The following GALNTL6 variants were observed in gnomAD, a reference collection of about 807,000 sequenced individuals.
The protein encoded by GALNTL6 is polypeptide N-acetylgalactosaminyltransferase like 6.
Under a neutral mutation model 73.7 loss-of-function variants are expected in GALNTL6, and 46 were observed. That is an observed-to-expected ratio of 0.62 (90% CI 0.49 to 0.80). GALNTL6 has a LOEUF of 0.80. Ranked by LOEUF, GALNTL6 falls within the 30% of genes least tolerant of loss-of-function variation. GALNTL6 has a pLI of 0.00. For synonymous variants in GALNTL6, 259 were observed against 263.7 expected, an observed-to-expected ratio of 0.98 and a Z score of 0.17; for missense variants, 604 against 755.0, an observed-to-expected ratio of 0.80 and a Z score of 2.34.
At chr4:172,989,985 T>C (rs1751468737) in intron 10 of GALNTL6, among the ~76,000 whole-genome samples, 1 of 152,282 alleles carries the variant, frequency 6.6e-6, no homozygotes, top group South Asian at 2.1e-4. Flanking sequence ...ATTGGATGAA[T>C]ATCTCTCCTC....
intron 2 of GALNTL6, among the ~76,000 whole-genome samples, chr4:172,127,275 T>A (rs927887067): frequency 2.0e-5 from 3 of 152,176 alleles, no homozygotes; most frequent in Admixed American, 6.5e-5. Flanking sequence ...ACGCGGCCAC[T>A]CCATCTGAGA....
At chr4:172,705,213 A>AT (rs58644433) in intron 5 of GALNTL6, among the ~76,000 whole-genome samples, 53,917 of 146,210 alleles carry the variant, frequency 0.37, 10,430 homozygotes, top group Middle Eastern at 0.5. Context: ...TACTACTGCT[A>AT]TTTTTTTTTT....
chr4:172,739,087 C>G (rs1736643429), intron 5 of GALNTL6, among the ~76,000 whole-genome samples: 1 of 152,074 alleles, frequency 6.6e-6, no homozygotes, highest in Admixed American at 6.6e-5. Flanking sequence ...ATATCCCACC[C>G]CCACTTCCAT....
rs142195294 is a variant in GALNTL6, at chr4:172,036,091, C to A, written c.139-193565C>A. 2.6e-5 allele frequency among the ~76,000 whole-genome samples: 4 copies of A among 152,124 alleles called. No individual in the cohort carries two copies. In the East Asian group the frequency reaches 7.7e-4, roughly 29 times the overall value. On this transcript the variant is annotated intron_variant, in intron 2 of 12. Transcript: ENST00000506823. ...ACAAATGTCTTTTGAAAGGACATAG[C>A]CCAGTAAGTATCCCAAAAGTTCTCT... is the stretch of plus-strand genomic sequence containing the variant.
chr4:172,280,347 C>A, intron 3 of GALNTL6, among the ~76,000 whole-genome samples: 1 of 152,134 alleles, frequency 6.6e-6, no homozygotes, highest in East Asian at 1.9e-4. Context: ...AGGGAACATT[C>A]ACAAGGTGGG....
At position 172,587,893 on chromosome 4, in the gene GALNTL6, A is replaced by G. The variant is rs543375365; in HGVS notation, c.554-221468A>G. Among the ~76,000 whole-genome samples the G allele has an allele frequency of 3.3e-5, 5 of 152,288 alleles. No individual in the cohort carries two copies. The East Asian group carries it at 9.7e-4, about 29-fold the overall frequency. ...AAACACCCCAAGCCCAAGGCTGGCC[A>G]TGGCATTTATCTTTGAAAATTATAA... On this transcript the variant is annotated intron_variant, in intron 5 of 12. Coordinates refer to ENST00000506823, the MANE Select transcript of GALNTL6 (RefSeq NM_001034845.3).
intron 5 of GALNTL6, among the ~76,000 whole-genome samples, chr4:172,654,060 A>C (rs1181697384): frequency 6.6e-6 from 1 of 152,194 alleles, no homozygotes; most frequent in East Asian, 1.9e-4. Context: ...ACAGAGACAG[A>C]GAGAGAGAAA....
At chr4:172,959,182 A>C (rs1490057218) in intron 10 of GALNTL6, among the ~76,000 whole-genome samples, 1 of 152,034 alleles carries the variant, frequency 6.6e-6, no homozygotes, top group Admixed American at 6.5e-5. Context: ...TCGGTCACTG[A>C]GGAGGGAGTA....
At chr4:172,686,389 A>T (rs1032067496) in intron 5 of GALNTL6, among the ~76,000 whole-genome samples, 1 of 152,190 alleles carries the variant, frequency 6.6e-6, no homozygotes, top group Non-Finnish European at 1.5e-5. Context: ...ACAGTAAAAC[A>T]TGAGAAGCCT....
intron 5 of GALNTL6, among the ~76,000 whole-genome samples, chr4:172,569,888 TC>T (rs1736696948): frequency 6.6e-6 from 1 of 152,088 alleles, no homozygotes; most frequent in Admixed American, 6.6e-5. Context: ...GAAGAATCCA[TC>T]CACAGATTTA....
chr4:172,918,627 T>C (rs1352873676), intron 8 of GALNTL6, among the ~76,000 whole-genome samples: 1 of 152,024 alleles, frequency 6.6e-6, no homozygotes, highest in African/African-American at 2.4e-5. Context: ...ATCAACCACC[T>C]CACGTAACCC....
chr4:172,950,343 G>T (rs1271370469), intron 9 of GALNTL6, among the ~76,000 whole-genome samples: 8 of 152,190 alleles, frequency 5.3e-5, no homozygotes. Flanking sequence ...CAGTCTCAAG[G>T]TCATTAGCCT....
chr4:172,112,675 T>C (rs1227260960), intron 2 of GALNTL6, among the ~76,000 whole-genome samples: 2 of 152,012 alleles, frequency 1.3e-5, no homozygotes, highest in Non-Finnish European at 2.9e-5. Context: ...CATTAAATAT[T>C]TGTGTTCCCC....
At chr4:171,839,393 G>A (rs570902908) in intron 2 of GALNTL6, among the ~76,000 whole-genome samples, 1 of 151,954 alleles carries the variant, frequency 6.6e-6, no homozygotes, top group Non-Finnish European at 1.5e-5. Context: ...ACACTTTTTG[G>A]GATATCTGTT....
At chr4:172,278,266 C>A (rs1488937690) in intron 3 of GALNTL6, among the ~76,000 whole-genome samples, 2 of 151,900 alleles carry the variant, frequency 1.3e-5, no homozygotes, top group East Asian at 1.9e-4. Flanking sequence ...GTTTATGAAC[C>A]TTTGTGTTGG....
chr4:172,723,927 TGAACACGAGA>T (rs1735646219), intron 5 of GALNTL6, among the ~76,000 whole-genome samples: 3 of 152,138 alleles, frequency 2.0e-5, no homozygotes, highest in Non-Finnish European at 4.4e-5. Context: ...GATATATCAG[TGAACACGAGA>T]GATTTATAGG....
At chr4:172,566,373 C>G (rs984179894) in intron 5 of GALNTL6, among the ~76,000 whole-genome samples, 2 of 151,952 alleles carry the variant, frequency 1.3e-5, no homozygotes, top group Non-Finnish European at 2.9e-5. Context: ...AACTAGAAAC[C>G]CACAATAGGT....
intron 9 of GALNTL6, among the ~76,000 whole-genome samples, chr4:172,931,687 G>A (rs1004928716): frequency 2.0e-5 from 3 of 152,126 alleles, no homozygotes; most frequent in Non-Finnish European, 2.9e-5. Flanking sequence ...GGGGTAAATG[G>A]GAGATGGGAA....
intron 5 of GALNTL6, among the ~76,000 whole-genome samples, chr4:172,729,265 G>A (rs549815932): frequency 6.6e-5 from 10 of 151,778 alleles, no homozygotes; most frequent in East Asian, 3.9e-4. Context: ...TTTCTTGGTC[G>A]CCTGTGCTTT....
Sources: gnomAD v4.1 joint callset for allele counts (sites outside exome capture counted in the v4.1 genomes callset) on GRCh38, gnomAD v4.1.1 for gene constraint, MANE v1.5 for transcripts, NCBI Gene and HGNC (gene_info 2026-07-23, HGNC 2026-07-21) for gene names.